Variants in PACRG observed in about 807,000 individuals in gnomAD.
PACRG encodes parkin coregulated gene protein.
In PACRG, 29 loss-of-function variants were observed where a neutral mutation model predicts 29.7. The ratio of observed to expected loss-of-function variants is 0.98; its 90% confidence interval spans 0.73 to 1.33. PACRG has a LOEUF of 1.33. Ranked by LOEUF, PACRG falls within the 40% of genes most tolerant of loss-of-function variation. The pLI is 0.00. For missense variants in PACRG, 279 were observed against 316.2 expected (o/e 0.88, Z 0.89); for synonymous variants, 116 against 118.7 (o/e 0.98, Z 0.15).
intron 2 of PACRG, among the ~76,000 whole-genome samples, chr6:162,889,234 TAA>T (rs1794586487): frequency 6.6e-6 from 1 of 152,150 alleles, no homozygotes; most frequent in African/African-American, 2.4e-5. Flanking sequence ...CTTTCTATAT[TAA>T]GTCTGTTCAG....
chr6:162,873,297 A>G (rs1792990525), intron 2 of PACRG, among the ~76,000 whole-genome samples: 1 of 152,162 alleles, frequency 6.6e-6, no homozygotes, highest in Non-Finnish European at 1.5e-5. Flanking sequence ...CCTGTCCATC[A>G]TAGATTCCTA....
intron 4 of PACRG, among the ~76,000 whole-genome samples, chr6:163,236,673 G>A (rs1377229784): frequency 1.3e-5 from 2 of 152,210 alleles, no homozygotes; most frequent in East Asian, 1.9e-4. Context: ...AGACTGTGCC[G>A]CTGTACCAAG....
At chr6:163,023,142 C>T (rs1390821808) in intron 2 of PACRG, among the ~76,000 whole-genome samples, 2 of 152,158 alleles carry the variant, frequency 1.3e-5, no homozygotes, top group African/African-American at 4.8e-5. Context: ...GAGAATATTG[C>T]ATGATGCTGG....
chr6:162,964,357 G>A (rs1023619843), intron 2 of PACRG, among the ~76,000 whole-genome samples: 4 of 152,088 alleles, frequency 2.6e-5, no homozygotes, highest in Admixed American at 6.5e-5. Context: ...CTATTTTTAT[G>A]GAAAGTAACA....
intron 4 of PACRG, among the ~76,000 whole-genome samples, chr6:163,129,179 G>T (rs187015768): frequency 4.6e-5 from 7 of 152,252 alleles, no homozygotes; most frequent in African/African-American, 1.2e-4. Context: ...AAATGAGAAT[G>T]GGGGGGAAGT....
At chr6:163,026,272 A>G (rs1807122215) in intron 2 of PACRG, among the ~76,000 whole-genome samples, 1 of 152,240 alleles carries the variant, frequency 6.6e-6, no homozygotes, top group African/African-American at 2.4e-5. Context: ...TAGCTAGTCA[A>G]TGTCTTTTGA....
intron 4 of PACRG, among the ~76,000 whole-genome samples, chr6:163,289,826 G>GTT (rs552373546): frequency 5.0e-4 from 74 of 149,256 alleles, no homozygotes; most frequent in Admixed American, 1.1e-3. Context: ...GTCCTCTTCT[G>GTT]TTTTTTTTTT....
intron 2 of PACRG, among the ~76,000 whole-genome samples, chr6:162,955,229 A>G (rs991756243): frequency 6.6e-6 from 1 of 152,140 alleles, no homozygotes; most frequent in African/African-American, 2.4e-5. Flanking sequence ...CATAAGCAGG[A>G]GAGAGGGGAA....
At position 163,269,910 on chromosome 6, in the gene PACRG, G is replaced by C. The variant is rs56165918; in HGVS notation, c.614-44917G>C. 5.0e-3 allele frequency among the ~76,000 whole-genome samples: 347 copies of C among 69,066 alleles called. 84 individuals are homozygous for C. Among genetic ancestry groups the C allele is most frequent in the African/African-American group, 0.025 (332 of 13,084 alleles). 45.3% of individuals were successfully genotyped at this position (69,066 alleles called of 152,430 possible). ...GAAAGAAAACAAAGAAAGAAAGAAA[G>C]AAAGAAAGAAAGAAAGAAAACAAAG... On this transcript the variant is annotated intron_variant, in intron 4 of 4. Coordinates refer to ENST00000366888, the MANE Select transcript of PACRG (RefSeq NM_001080379.2).
At chr6:163,198,656 A>T (rs1257259252) in intron 4 of PACRG, among the ~76,000 whole-genome samples, 1 of 152,198 alleles carries the variant, frequency 6.6e-6, no homozygotes, top group Non-Finnish European at 1.5e-5. Flanking sequence ...ATGAGGTCCC[A>T]GCATCTGCCC....
At chr6:163,104,538 A>G (rs1383965318) in intron 4 of PACRG, among the ~76,000 whole-genome samples, 1 of 152,204 alleles carries the variant, frequency 6.6e-6, no homozygotes, top group Non-Finnish European at 1.5e-5. Flanking sequence ...CTTCAACTTC[A>G]AGTTGAAAAG....
chr6:163,312,747 C>A (rs574078970), intron 4 of PACRG: 3 of 433,458 alleles, frequency 6.9e-6, no homozygotes, highest in African/African-American at 4.1e-5. Flanking sequence ...CTGATATATT[C>A]TTTTTGTTTT....
At chr6:163,024,845 A>C (rs1385397780) in intron 2 of PACRG, among the ~76,000 whole-genome samples, 1 of 152,218 alleles carries the variant, frequency 6.6e-6, no homozygotes, top group Admixed American at 6.5e-5. Flanking sequence ...TAGTACATTG[A>C]ATCCAGCGGC....
intron 2 of PACRG, among the ~76,000 whole-genome samples, chr6:162,817,148 G>T (rs905164958): frequency 6.6e-6 from 1 of 152,130 alleles, no homozygotes; most frequent in Non-Finnish European, 1.5e-5. Flanking sequence ...TGTAAACCCC[G>T]GCACAGGCTG....
intron 2 of PACRG, among the ~76,000 whole-genome samples, chr6:162,888,282 C>G (rs900935756): frequency 6.6e-6 from 1 of 152,050 alleles, no homozygotes; most frequent in Non-Finnish European, 1.5e-5. Flanking sequence ...TGGCCACAAC[C>G]CTCACATACA....
chr6:162,897,482 T>G, intron 2 of PACRG, among the ~76,000 whole-genome samples: 1 of 152,214 alleles, frequency 6.6e-6, no homozygotes, highest in East Asian at 1.9e-4. Context: ...CCAGCTGGTA[T>G]AGAGATTTAT....
chr6:162,884,496 T>C (rs976230868), intron 2 of PACRG, among the ~76,000 whole-genome samples: 3 of 152,174 alleles, frequency 2.0e-5, no homozygotes, highest in African/African-American at 7.2e-5. Context: ...ATGTTAACAG[T>C]AGGTAAATCT....
At chr6:163,028,986 G>A (rs988069370) in intron 2 of PACRG, among the ~76,000 whole-genome samples, 2 of 152,216 alleles carry the variant, frequency 1.3e-5, no homozygotes, top group Non-Finnish European at 2.9e-5. Flanking sequence ...AACAGGTCTT[G>A]AGATGGGGTG....
chr6:163,127,323 C>T (rs1816557709), intron 4 of PACRG, among the ~76,000 whole-genome samples: 1 of 152,250 alleles, frequency 6.6e-6, no homozygotes, highest in African/African-American at 2.4e-5. Flanking sequence ...ATTGCCTCGG[C>T]CTATTCCTGC....
Sources: allele counts gnomAD v4.1 joint callset (sites outside exome capture counted in the v4.1 genomes callset), GRCh38; gene constraint gnomAD v4.1.1; transcripts MANE v1.5; gene names NCBI Gene and HGNC (gene_info 2026-07-23, HGNC 2026-07-21).